MMP26: variants seen among roughly 807,000 people sequenced by gnomAD.
MMP26 encodes matrix metallopeptidase 26.
MMP26 carries 33 observed loss-of-function variants against 31.0 expected under a neutral mutation model. The observed-to-expected ratio is 1.06, with a 90% CI of 0.81 to 1.42. The LOEUF is 1.42. Ranked by LOEUF, MMP26 falls within the 40% of genes most tolerant of loss-of-function variation. The probability of loss-of-function intolerance (pLI) is 0.00; values close to 1 mark genes in which losing one functional copy is unlikely to be tolerated. For missense variants in MMP26, 347 were observed against 316.1 expected (o/e 1.10, Z -0.74); for synonymous variants, 122 against 114.9 (o/e 1.06, Z -0.40).
chr11:4,747,978 A>G (rs1004998932), intron 1 of MMP26, among the ~76,000 whole-genome samples: 1 of 152,106 alleles, frequency 6.6e-6, no homozygotes, highest in Non-Finnish European at 1.5e-5. Flanking sequence ...TAATACCAAA[A>G]GAACAATACA....
At chr11:4,855,548 G>T (rs1229198235) in intron 2 of MMP26, among the ~76,000 whole-genome samples, 1 of 152,246 alleles carries the variant, frequency 6.6e-6, no homozygotes, top group Non-Finnish European at 1.5e-5. Context: ...AAAGAACAAA[G>T]CCTCCAAGAA....
chr11:4,898,855 G>C (rs1163337260), intron 2 of MMP26, among the ~76,000 whole-genome samples: 2 of 151,178 alleles, frequency 1.3e-5, no homozygotes, highest in African/African-American at 4.9e-5. Flanking sequence ...GTGTGTGTGT[G>C]TGTGTGTGTG....
At chr11:4,928,751 A>T (rs1418842137) in intron 2 of MMP26, among the ~76,000 whole-genome samples, 1 of 152,154 alleles carries the variant, frequency 6.6e-6, no homozygotes, top group Non-Finnish European at 1.5e-5. Context: ...CTGCAGCTTC[A>T]TCTAGCCATG....
chr11:4,763,062 A>G (rs1452400899), intron 1 of MMP26, among the ~76,000 whole-genome samples: 1 of 152,238 alleles, frequency 6.6e-6, no homozygotes, highest in Non-Finnish European at 1.5e-5. Context: ...TAATTCCATT[A>G]TAAGATTAAT....
At chr11:4,849,168 GTGC>G in intron 2 of MMP26, 2 of 1,613,624 alleles carry the variant, frequency 1.2e-6, no homozygotes, top group Non-Finnish European at 1.7e-6. Context: ...GGCCATTGAA[GTGC>G]TGCTATTGGG....
chr11:4,966,383 T>C (rs1186349932), intron 2 of MMP26, among the ~76,000 whole-genome samples: 2 of 152,118 alleles, frequency 1.3e-5, no homozygotes, highest in African/African-American at 2.4e-5. Flanking sequence ...CACTCCACTA[T>C]CCACCAGGGT....
intron 2 of MMP26, among the ~76,000 whole-genome samples, chr11:4,849,545 C>G (rs1465957733): frequency 6.6e-6 from 1 of 152,092 alleles, no homozygotes; most frequent in African/African-American, 2.4e-5. Flanking sequence ...TTATGACAAA[C>G]ACTTTAGGAA....
intron 2 of MMP26, among the ~76,000 whole-genome samples, chr11:4,982,414 A>G (rs370874205): frequency 9.8e-5 from 15 of 152,308 alleles, no homozygotes; most frequent in Admixed American, 7.9e-4. Context: ...CCATTATTGA[A>G]TAACACTGTT....
intron 1 of MMP26, among the ~76,000 whole-genome samples, chr11:4,727,079 A>G (rs1383672932): frequency 1.3e-5 from 2 of 152,222 alleles, no homozygotes; most frequent in Non-Finnish European, 2.9e-5. Flanking sequence ...ATTTTCTATG[A>G]TAAGAAAAAA....
At chr11:4,823,369 C>T (rs1200736085) in intron 2 of MMP26, among the ~76,000 whole-genome samples, 1 of 152,250 alleles carries the variant, frequency 6.6e-6, no homozygotes, top group South Asian at 2.1e-4. Flanking sequence ...CCATGTATAT[C>T]CACAGACTTC....
chr11:4,857,724 A>G (rs1220907620), intron 2 of MMP26, among the ~76,000 whole-genome samples: 1 of 152,222 alleles, frequency 6.6e-6, no homozygotes, highest in Non-Finnish European at 1.5e-5. Flanking sequence ...AAATCATTTT[A>G]TGAGGCCAGC....
chr11:4,937,390 T>C (rs1846136521), intron 2 of MMP26: 2 of 152,264 alleles, frequency 1.3e-5, no homozygotes, highest in African/African-American at 4.8e-5. Context: ...CACAACCTTT[T>C]CTCGGATTTG....
chr11:4,988,070 A>C lies in MMP26; in HGVS notation c.-142A>C. On this transcript the variant is annotated splice_region_variant and 5_prime_UTR_variant, in exon 3 of 8. The change abolishes an upstream ATG in the 5' untranslated region. Coordinates refer to ENST00000380390, the MANE Select transcript of MMP26 (RefSeq NM_021801.5). ...GCTGGTCACTCTGCCCTCAGCAGGT[A>C]TGGATGATGACGCCACTCACAGATT... 1 of 734,600 alleles carries C rather than the reference A, an allele frequency of 1.4e-6. No individual in the cohort carries two copies. Among genetic ancestry groups the C allele is most frequent in the Non-Finnish European group, 2.5e-6 (1 of 404,976 alleles). The allele number at this position is 734,600 out of a possible 1,614,324, so 45.5% of individuals were successfully genotyped here.
In MMP26 at chr11:4,880,497, A is replaced by C. The variant is rs146474423; in HGVS notation, c.-144-107571A>C. Among the ~76,000 whole-genome samples, 782 of 152,214 alleles carry C rather than the reference A, an allele frequency of 5.1e-3. 7 individuals carry two copies. The highest frequency in any genetic ancestry group is 0.016 in the African/African-American group (673 of 41,534). Reference sequence around the variant, plus strand: ...AGAAGACAGGAGGAGAAAGAAGAGAAAAAGGCAAAAGACGATAGGACTCAA... The same window carrying C: ...AGAAGACAGGAGGAGAAAGAAGAGACAAAGGCAAAAGACGATAGGACTCAA... On this transcript the variant is annotated intron_variant, in intron 2 of 7. Transcript: ENST00000380390.
intron 1 of MMP26, among the ~76,000 whole-genome samples, chr11:4,766,643 T>A (rs1484385337): frequency 1.3e-5 from 2 of 151,932 alleles, no homozygotes; most frequent in East Asian, 3.8e-4. Context: ...ACAAATGGGC[T>A]GTTTGGAAAC....
At chr11:4,851,157 C>T (rs1411716405) in intron 2 of MMP26, among the ~76,000 whole-genome samples, 1 of 152,172 alleles carries the variant, frequency 6.6e-6, no homozygotes, top group East Asian at 1.9e-4. Context: ...AACGACTGAA[C>T]TTTGGAAAAT....
intron 1 of MMP26, among the ~76,000 whole-genome samples, chr11:4,734,191 GTATTTACTCTTC>G (rs1211127370): frequency 2.6e-5 from 4 of 152,076 alleles, no homozygotes; most frequent in African/African-American, 9.7e-5. Flanking sequence ...GAGTTGGAAT[GTATTTACTCTTC>G]TATTTTTGAA....
chr11:4,834,187 A>G (rs1482992672), intron 2 of MMP26, among the ~76,000 whole-genome samples: 1 of 152,114 alleles, frequency 6.6e-6, no homozygotes, highest in Non-Finnish European at 1.5e-5. Context: ...AACATTGCAG[A>G]TACATAAGGA....
chr11:4,962,841 G>A (rs558040095), intron 2 of MMP26, among the ~76,000 whole-genome samples: 1 of 152,276 alleles, frequency 6.6e-6, no homozygotes, highest in East Asian at 1.9e-4. Flanking sequence ...TTGAGCTGGT[G>A]CAAAGGCAAA....
Sources: gnomAD v4.1 joint callset for allele counts (sites outside exome capture counted in the v4.1 genomes callset) on GRCh38, gnomAD v4.1.1 for gene constraint, MANE v1.5 for transcripts, NCBI Gene and HGNC (gene_info 2026-07-23, HGNC 2026-07-21) for gene names.